Variants in KCNK9 observed in about 807,000 individuals in gnomAD.
KCNK9 encodes potassium two pore domain channel subfamily K member 9.
Under a neutral mutation model 10.8 loss-of-function variants are expected in KCNK9, and 1 was observed. The ratio of observed to expected loss-of-function variants is 0.09; its 90% CI spans 0.03 to 0.44. The LOEUF (loss-of-function observed/expected upper bound fraction) is 0.44. Among genes scored for constraint, KCNK9 ranks in the 20% least tolerant of loss-of-function variants. KCNK9 has a pLI of 0.97. For synonymous variants in KCNK9, 231 were observed against 222.7 expected (o/e 1.04, Z -0.33); for missense variants, 303 against 515.0 (o/e 0.59, Z 3.98).
At chr8:139,620,745 C>T (rs1459404208) in intron 1 of KCNK9, among the ~76,000 whole-genome samples, 2 of 152,204 alleles carry the variant, frequency 1.3e-5, no homozygotes, top group African/African-American at 4.8e-5. Flanking sequence ...AGCTCTGACA[C>T]CCCTCTGAAA....
intron 1 of KCNK9, among the ~76,000 whole-genome samples, chr8:139,652,965 A>G (rs1285709056): frequency 6.6e-6 from 1 of 152,196 alleles, no homozygotes; most frequent in African/African-American, 2.4e-5. Flanking sequence ...GGGCTGATGC[A>G]CGTACAAGCA....
intron 1 of KCNK9, among the ~76,000 whole-genome samples, chr8:139,701,574 CA>C (rs1817220884): frequency 6.6e-6 from 1 of 152,000 alleles, no homozygotes; most frequent in South Asian, 2.1e-4. Flanking sequence ...GCCCAGGGCA[CA>C]GGGGTGTGAA....
chr8:139,702,673 C>A lies in KCNK9; in HGVS notation c.283+37G>T. 6.3e-7 allele frequency: 1 copy of A among 1,578,464 alleles called. No homozygotes were observed. Among genetic ancestry groups the A allele is most frequent in the Non-Finnish European group, 8.6e-7 (1 of 1,167,420 alleles). ...CTCAGCCGCCTCCCCGGACTCCTCC[C>A]GGGGCGCGGGAGCCCAGCGGCGCGC... On this transcript the variant is annotated intron_variant, in intron 1 of 1. Transcript: ENST00000520439. This position sits in a 1 kb window ranked among gnomAD's most constrained non-coding sequence, Gnocchi z 7.5.
At chr8:139,628,912 G>A (rs1815071470) in intron 1 of KCNK9, among the ~76,000 whole-genome samples, 2 of 152,164 alleles carry the variant, frequency 1.3e-5, no homozygotes, top group South Asian at 4.1e-4. Context: ...GCCTCAGGGA[G>A]CCCCGTTGCC....
At chr8:139,609,626 G>T (rs562607379), downstream of KCNK9, among the ~76,000 whole-genome samples, 312 of 152,350 alleles carry the variant, frequency 2.0e-3, no homozygotes, top group African/African-American at 7.3e-3. Flanking sequence ...ACTGGCTAAG[G>T]CTTTCTTCCT....
intron 2 of KCNK9, among the ~76,000 whole-genome samples, chr8:139,607,455 C>T (rs370262755): frequency 3.3e-5 from 5 of 152,188 alleles, no homozygotes; most frequent in African/African-American, 7.2e-5. Flanking sequence ...CGGGAGCTGC[C>T]GGGCCCACTG....
chr8:139,643,903 G>A (rs1040632239), intron 1 of KCNK9, among the ~76,000 whole-genome samples: 5 of 152,318 alleles, frequency 3.3e-5, no homozygotes, highest in African/African-American at 7.2e-5. Context: ...GGGAGTCGAG[G>A]GGGCTCTTCC....
chr8:139,674,099 G>T (rs1318386878), intron 1 of KCNK9, among the ~76,000 whole-genome samples: 1 of 152,322 alleles, frequency 6.6e-6, no homozygotes, highest in Admixed American at 6.5e-5. Flanking sequence ...TGGAATGAAG[G>T]TTTGCATCCC....
intron 2 of KCNK9, among the ~76,000 whole-genome samples, chr8:139,601,776 T>G (rs1414106660): frequency 2.0e-5 from 3 of 152,222 alleles, no homozygotes; most frequent in African/African-American, 7.2e-5. Context: ...TATTGCATGT[T>G]AGGTTCTCTA....
At chr8:139,619,899 TAAATTTGCAC>T (rs1430025647) in intron 1 of KCNK9, among the ~76,000 whole-genome samples, 1 of 152,210 alleles carries the variant, frequency 6.6e-6, no homozygotes, top group Non-Finnish European at 1.5e-5. Context: ...AAGGAATGAA[TAAATTTGCAC>T]CACTCTGTGA....
At chr8:139,689,644 T>TA (rs1491362086) in intron 1 of KCNK9, among the ~76,000 whole-genome samples, 1 of 2,634 alleles carries the variant, frequency 3.8e-4, no homozygotes, top group Non-Finnish European at 1.1e-3. Context: ...TTTGCCATCA[T>TA]TTTTTTTTTT....
intron 1 of KCNK9, among the ~76,000 whole-genome samples, chr8:139,669,778 G>T (rs756593899): frequency 1.5e-4 from 23 of 150,474 alleles, no homozygotes; most frequent in Middle Eastern, 3.4e-3. Context: ...CCTTCTAAAA[G>T]GTTTTCTATT....
chr8:139,630,831 CA>C (rs1199488640), intron 1 of KCNK9, among the ~76,000 whole-genome samples: 1 of 152,216 alleles, frequency 6.6e-6, no homozygotes, highest in Non-Finnish European at 1.5e-5. Context: ...CCCAGAATAT[CA>C]AAGGCTGGGA....
intron 1 of KCNK9, among the ~76,000 whole-genome samples, chr8:139,659,287 T>C (rs1267934474): frequency 6.6e-6 from 1 of 152,218 alleles, no homozygotes; most frequent in African/African-American, 2.4e-5. Flanking sequence ...GCTTTCCCTA[T>C]GCACTACAAG....
At chr8:139,697,745 C>T (rs1003751843) in intron 1 of KCNK9, among the ~76,000 whole-genome samples, 13 of 152,104 alleles carry the variant, frequency 8.5e-5, no homozygotes, top group East Asian at 7.7e-4. Flanking sequence ...TGGGTGTCTC[C>T]GCATTCCGAG....
chr8:139,674,658 C>A (rs561953279), intron 1 of KCNK9, among the ~76,000 whole-genome samples: 3 of 152,208 alleles, frequency 2.0e-5, no homozygotes, highest in Non-Finnish European at 2.9e-5. Context: ...CAGTGCCTCA[C>A]GGGGCCAGAC....
chr8:139,603,980 A>G (rs1817429645), intron 2 of KCNK9, among the ~76,000 whole-genome samples: 1 of 152,216 alleles, frequency 6.6e-6, no homozygotes, highest in East Asian at 1.9e-4. Flanking sequence ...CATGAGTTGG[A>G]CGGTCCCACA....
intron 1 of KCNK9, among the ~76,000 whole-genome samples, chr8:139,676,915 A>G (rs1302128515): frequency 6.6e-6 from 1 of 152,160 alleles, no homozygotes; most frequent in African/African-American, 2.4e-5. Flanking sequence ...TTGTGCCACT[A>G]CACTCCAGCC....
intron 1 of KCNK9, among the ~76,000 whole-genome samples, chr8:139,701,717 C>A (rs1388288072): frequency 6.6e-6 from 1 of 152,128 alleles, no homozygotes; most frequent in African/African-American, 2.4e-5. Context: ...CTGCCTCCTG[C>A]CATGCAGGGT....
Sources: allele counts gnomAD v4.1 joint callset (sites outside exome capture counted in the v4.1 genomes callset), GRCh38; gene constraint gnomAD v4.1.1; non-coding constraint Gnocchi (gnomAD v3.1); transcripts MANE v1.5; gene names NCBI Gene and HGNC (gene_info 2026-07-23, HGNC 2026-07-21).